Variants in VAT1L observed in about 807,000 individuals in gnomAD.
The protein encoded by VAT1L is putative NADPH-dependent quinone oxidoreductase VAT1L.
In VAT1L, 34 loss-of-function variants were observed where a neutral mutation model predicts 44.1. That is an observed-to-expected ratio of 0.77 (90% CI 0.59 to 1.03). The LOEUF is 1.03. Ranked by LOEUF, VAT1L falls within the 50% of genes least tolerant of loss-of-function variation. The pLI is 0.00. For synonymous variants in VAT1L, 253 were observed against 202.2 expected (o/e 1.25, Z -2.13); for missense variants, 615 against 538.8 (o/e 1.14, Z -1.40).
chr16:77,963,522 G>A (rs145248747), intron 7 of VAT1L, among the ~76,000 whole-genome samples: 3 of 152,176 alleles, frequency 2.0e-5, no homozygotes, highest in South Asian at 2.1e-4. Context: ...CCTCCAGAAC[G>A]GTAAGATAAT....
At chr16:77,880,989 A>G (rs531262240) in intron 6 of VAT1L, among the ~76,000 whole-genome samples, 2 of 152,216 alleles carry the variant, frequency 1.3e-5, no homozygotes, top group Admixed American at 1.3e-4. Context: ...TTATTTATCC[A>G]GTCCACCATT....
rs188190537 is a variant in VAT1L at position 77,938,019 on chromosome 16, G to A, written c.1078-33831G>A. On this transcript the variant is annotated intron_variant, in intron 7 of 8. Coordinates refer to ENST00000302536, the MANE Select transcript of VAT1L (RefSeq NM_020927.3). ...AAGAATGACTCTAAGAGCGTAAAGG[G>A]CAAAACCCTTCTTTTTATGAGCACT... Among the ~76,000 whole-genome samples, 7 of 152,316 alleles carry A rather than the reference G, an allele frequency of 4.6e-5. No homozygotes were observed. In the East Asian group the frequency reaches 1.2e-3, roughly 25 times the overall value.
chr16:77,843,291 G>T (rs1384591857), intron 3 of VAT1L, among the ~76,000 whole-genome samples: 2 of 152,136 alleles, frequency 1.3e-5, no homozygotes, highest in African/African-American at 4.8e-5. Flanking sequence ...TGGGCAGTGG[G>T]AGGGCAGGGG....
chr16:77,898,253 A>T (rs2017345154), intron 7 of VAT1L, among the ~76,000 whole-genome samples: 1 of 152,094 alleles, frequency 6.6e-6, no homozygotes, highest in African/African-American at 2.4e-5. Context: ...ACATCTCCAC[A>T]ATCTCCATTT....
intron 5 of VAT1L, among the ~76,000 whole-genome samples, chr16:77,877,163 T>C (rs530380793): frequency 6.6e-6 from 1 of 152,248 alleles, no homozygotes; most frequent in Admixed American, 6.5e-5. Context: ...CAGGGCCTCC[T>C]TTCTCTCTTC....
intron 7 of VAT1L, among the ~76,000 whole-genome samples, chr16:77,964,406 C>T (rs547179645): frequency 1.3e-5 from 2 of 152,222 alleles, no homozygotes; most frequent in South Asian, 2.1e-4. Flanking sequence ...AGGCCACGTG[C>T]GTTTTTCTTG....
chr16:77,842,021 G>A (rs1052020755), intron 3 of VAT1L, among the ~76,000 whole-genome samples: 1 of 152,058 alleles, frequency 6.6e-6, no homozygotes, highest in Non-Finnish European at 1.5e-5. Flanking sequence ...CCGAGTAGCT[G>A]GAACTACAGG....
chr16:77,856,733 G>A (rs1470460192), intron 3 of VAT1L, among the ~76,000 whole-genome samples: 1 of 152,094 alleles, frequency 6.6e-6, no homozygotes, highest in Non-Finnish European at 1.5e-5. Context: ...AAATCTCTTC[G>A]CCCATATGAA....
At chr16:77,933,433 T>C (rs2017755040) in intron 7 of VAT1L, among the ~76,000 whole-genome samples, 2 of 152,242 alleles carry the variant, frequency 1.3e-5, no homozygotes, top group Non-Finnish European at 2.9e-5. Flanking sequence ...ACCTGAACCA[T>C]TTACTAGTCA....
rs2017086658 is a variant in VAT1L at position 77,876,353 on chromosome 16, G to C, written c.723-17G>C. 6.8e-6 allele frequency: 11 copies of C among 1,612,580 alleles called. No homozygotes were observed. The highest frequency in any genetic ancestry group is 1.3e-5 in the African/African-American group (1 of 74,876). On this transcript the variant is annotated splice_polypyrimidine_tract_variant and intron_variant, in intron 4 of 8. Coordinates refer to ENST00000302536, the MANE Select transcript of VAT1L (RefSeq NM_020927.3). ...CTGACAGGTCACAGAATTTTGCTTT[G>C]CCTTCTCACCATTTAGAATCTCTGC...
At chr16:77,809,725 T>C (rs758882216) in intron 1 of VAT1L, among the ~76,000 whole-genome samples, 1 of 152,234 alleles carries the variant, frequency 6.6e-6, no homozygotes, top group Non-Finnish European at 1.5e-5. Flanking sequence ...GAGAGAGGGT[T>C]CATAGTCTTT....
chr16:77,794,206 A>G (rs747375719), intron 1 of VAT1L, among the ~76,000 whole-genome samples: 4 of 152,182 alleles, frequency 2.6e-5, no homozygotes, highest in African/African-American at 4.8e-5. Context: ...CACAGACAGG[A>G]ATACAGAGAA....
intron 5 of VAT1L, among the ~76,000 whole-genome samples, chr16:77,877,739 A>T (rs1023313388): frequency 1.3e-5 from 2 of 152,236 alleles, no homozygotes; most frequent in East Asian, 3.9e-4. Flanking sequence ...TGAAGAGCTT[A>T]TAAAATAGAT....
intron 7 of VAT1L, among the ~76,000 whole-genome samples, chr16:77,918,293 TC>T (rs1420514645): frequency 6.6e-6 from 1 of 152,182 alleles, no homozygotes; most frequent in Non-Finnish European, 1.5e-5. Flanking sequence ...GAAACATTTT[TC>T]TTATTACATC....
At chr16:77,854,803 C>G (rs2016841523) in intron 3 of VAT1L, among the ~76,000 whole-genome samples, 1 of 152,144 alleles carries the variant, frequency 6.6e-6, no homozygotes, top group South Asian at 2.1e-4. Context: ...AGCTGTTTAA[C>G]AGTGAAAACA....
intron 7 of VAT1L, among the ~76,000 whole-genome samples, chr16:77,955,346 A>T (rs2018091012): frequency 6.6e-6 from 1 of 152,202 alleles, no homozygotes; most frequent in Non-Finnish European, 1.5e-5. Context: ...ATGCTGACGA[A>T]CATCCTGCAG....
chr16:77,791,065 G>C (rs1199785463), intron 1 of VAT1L, among the ~76,000 whole-genome samples: 1 of 152,188 alleles, frequency 6.6e-6, no homozygotes, highest in Non-Finnish European at 1.5e-5. Flanking sequence ...CTTTCACCAA[G>C]CTGGAAGCAG....
intron 7 of VAT1L, among the ~76,000 whole-genome samples, chr16:77,889,586 C>G (rs751071743): frequency 6.6e-5 from 10 of 152,160 alleles, no homozygotes; most frequent in Non-Finnish European, 1.2e-4. Flanking sequence ...CATTGCTGAG[C>G]ACCTACTATG....
chr16:77,880,081 T>C (rs1262277353), intron 6 of VAT1L, among the ~76,000 whole-genome samples: 1 of 152,184 alleles, frequency 6.6e-6, no homozygotes, highest in South Asian at 2.1e-4. Flanking sequence ...GCGACATCCC[T>C]GGGCATTCAC....
Sources: allele counts gnomAD v4.1 joint callset (sites outside exome capture counted in the v4.1 genomes callset), GRCh38; gene constraint gnomAD v4.1.1; transcripts MANE v1.5; gene names NCBI Gene and HGNC (gene_info 2026-07-23, HGNC 2026-07-21).